MAD1L1: variants seen among roughly 807,000 people sequenced by gnomAD.
MAD1L1 encodes the protein mitotic arrest deficient 1 like 1, also known as mitotic spindle assembly checkpoint protein MAD1.
Under a neutral mutation model 96.9 loss-of-function variants are expected in MAD1L1, and 95 were observed. The observed-to-expected ratio is 0.98, with a 90% CI of 0.83 to 1.16. The LOEUF is 1.16. Among genes scored for constraint, MAD1L1 ranks in the 50% most tolerant of loss-of-function variants. MAD1L1 has a pLI of 0.00. For missense variants in MAD1L1, 1,007 were observed against 954.4 expected (o/e 1.06, Z -0.73); for synonymous variants, 473 against 396.6 (o/e 1.19, Z -2.29).
intron 12 of MAD1L1, among the ~76,000 whole-genome samples, chr7:2,042,963 C>T (rs1783757394): frequency 6.6e-6 from 1 of 152,152 alleles, no homozygotes; most frequent in African/African-American, 2.4e-5. Context: ...GACGCTGCCA[C>T]AGGCCGACCC....
chr7:2,222,721 G>A lies in MAD1L1; in HGVS notation c.325C>T (p.Arg109Cys), dbSNP rs745395945. 2.0e-5 allele frequency: 32 copies of A among 1,607,588 alleles called. No individual in the cohort carries two copies. Among genetic ancestry groups the A allele is most frequent in the Middle Eastern group, 1.6e-4 (1 of 6,078 alleles). Residue 109 changes from arginine (R) to cysteine (C), a missense_variant, in exon 5 of 19, where the codon CGC (arginine) becomes TGC (cysteine). Coordinates refer to ENST00000265854, the MANE Select transcript of MAD1L1 (RefSeq NM_001013836.2). ...EVDRNQELLT[R>C]IRQLQEREAG... ...TCCCGCTCCTGAAGCTGCCGGATGCGCGTCAGGAGCTCCTGGTTGCGGTCG... is the reference window on the plus strand; with the variant it reads ...TCCCGCTCCTGAAGCTGCCGGATGCACGTCAGGAGCTCCTGGTTGCGGTCG...
intron 10 of MAD1L1, among the ~76,000 whole-genome samples, chr7:2,191,954 C>T (rs909453503): frequency 1.3e-5 from 2 of 151,794 alleles, no homozygotes. Flanking sequence ...TTGCTTGAAC[C>T]CGGCTGGCAG....
chr7:2,012,786 G>A (rs1056936880), intron 13 of MAD1L1, among the ~76,000 whole-genome samples: 3 of 152,196 alleles, frequency 2.0e-5, no homozygotes, highest in Non-Finnish European at 2.9e-5. Flanking sequence ...AAGGGGTAGC[G>A]AGTGCATGTG....
chr7:1,827,531 T>G (rs1212681707), intron 18 of MAD1L1, among the ~76,000 whole-genome samples: 133 of 108,638 alleles, frequency 1.2e-3, no homozygotes, highest in Middle Eastern at 6.1e-3. Context: ...CCTGAGCCCG[T>G]CCCGGGTGTG....
At chr7:1,918,028 CT>C (rs1788523866) in intron 17 of MAD1L1, among the ~76,000 whole-genome samples, 1 of 152,170 alleles carries the variant, frequency 6.6e-6, no homozygotes, top group Admixed American at 6.5e-5. Flanking sequence ...TCCCTACAAC[CT>C]GAATCGTGGG....
Position 1,905,267 on chromosome 7 carries a change from C to T in MAD1L1, c.1808-6877G>A, listed in dbSNP as rs1383504231. On this transcript the variant is annotated intron_variant, in intron 17 of 18. Coordinates refer to ENST00000265854, the MANE Select transcript of MAD1L1 (RefSeq NM_001013836.2). ...CGAGGACGCAGTGGCCTACGGAAGA[C>T]GCTCTTGCGGAACTCATGATTGATA... 7.7e-4 allele frequency among the ~76,000 whole-genome samples: 72 copies of T among 93,648 alleles called. 9 individuals carry two copies. Among genetic ancestry groups the T allele is most frequent in the African/African-American group, 1.6e-3 (44 of 27,856 alleles). The allele number at this position is 93,648 out of a possible 152,430, so 61.4% of individuals were successfully genotyped here.
chr7:1,880,249 C>A (rs781167414), intron 18 of MAD1L1, among the ~76,000 whole-genome samples: 11 of 152,296 alleles, frequency 7.2e-5, no homozygotes, highest in Non-Finnish European at 1.3e-4. Context: ...CCTGCCAACA[C>A]CCGGGTTCCT....
intron 10 of MAD1L1, among the ~76,000 whole-genome samples, chr7:2,183,071 A>G (rs1199553025): frequency 6.6e-6 from 1 of 152,040 alleles, no homozygotes; most frequent in African/African-American, 2.4e-5. Context: ...AAAGAGAAAA[A>G]ATTAGCCAGG....
chr7:2,220,579 G>A (rs1268906539), intron 5 of MAD1L1, among the ~76,000 whole-genome samples: 2 of 152,200 alleles, frequency 1.3e-5, no homozygotes. Context: ...CACAGCAAAC[G>A]ACCTGGGTGG....
chr7:1,929,483 A>G (rs1166124980), intron 17 of MAD1L1, among the ~76,000 whole-genome samples: 1 of 152,122 alleles, frequency 6.6e-6, no homozygotes, highest in Non-Finnish European at 1.5e-5. Context: ...GCCCGTGCCG[A>G]TGGCAAGGGT....
intron 18 of MAD1L1, chr7:1,849,094 ATGCACACACACATACACG>A (rs1379791464): frequency 1.3e-5 from 2 of 154,588 alleles, no homozygotes; most frequent in African/African-American, 4.8e-5. Context: ...GCACGGACAC[ATGCACACACACATACACG>A]TGCACACACA....
At chr7:2,094,065 G>A (rs1437361979) in intron 11 of MAD1L1, among the ~76,000 whole-genome samples, 11 of 152,228 alleles carry the variant, frequency 7.2e-5, no homozygotes, top group Non-Finnish European at 1.6e-4. Flanking sequence ...AGAGGCCAGG[G>A]AGGACAGCAC....
chr7:2,046,579 C>T (rs545187634), intron 12 of MAD1L1, among the ~76,000 whole-genome samples: 7 of 152,322 alleles, frequency 4.6e-5, no homozygotes, highest in African/African-American at 4.8e-5. Context: ...CGGAACTCTG[C>T]GTGGCGATCA....
chr7:2,082,791 C>T (rs764399075), intron 11 of MAD1L1, among the ~76,000 whole-genome samples: 1 of 152,244 alleles, frequency 6.6e-6, no homozygotes, highest in Admixed American at 6.5e-5. Flanking sequence ...TGGAGCCCGG[C>T]GCCTGCACTC....
chr7:1,935,003 C>A (rs1207561081), intron 17 of MAD1L1, among the ~76,000 whole-genome samples: 2 of 151,996 alleles, frequency 1.3e-5, no homozygotes, highest in African/African-American at 4.8e-5. Context: ...GGCAGAGACC[C>A]AGACAACAAG....
At chr7:2,221,705 C>T (rs528911715) in intron 5 of MAD1L1, among the ~76,000 whole-genome samples, 10 of 152,332 alleles carry the variant, frequency 6.6e-5, no homozygotes, top group South Asian at 2.1e-4. Flanking sequence ...AATTATCCGA[C>T]GCCATCAGAT....
chr7:1,961,206 C>A (rs1779939221), intron 15 of MAD1L1, among the ~76,000 whole-genome samples: 1 of 152,202 alleles, frequency 6.6e-6, no homozygotes, highest in Admixed American at 6.5e-5. Context: ...AATCAGCAAC[C>A]TCAGTCAAAA....
At chr7:1,870,111 C>T (rs1179295695) in intron 18 of MAD1L1, among the ~76,000 whole-genome samples, 1 of 152,086 alleles carries the variant, frequency 6.6e-6, no homozygotes, top group Non-Finnish European at 1.5e-5. Flanking sequence ...AGATGCGAGC[C>T]GCTGCCCAGA....
At chr7:1,862,728 G>A (rs547977611) in intron 18 of MAD1L1, among the ~76,000 whole-genome samples, 10 of 152,162 alleles carry the variant, frequency 6.6e-5, no homozygotes, top group Non-Finnish European at 1.3e-4. Flanking sequence ...AGCTTCAATA[G>A]GCCCAGTGAA....
Sources: gnomAD v4.1 joint callset for allele counts (sites outside exome capture counted in the v4.1 genomes callset) on GRCh38, gnomAD v4.1.1 for gene constraint, MANE v1.5 for transcripts, NCBI Gene and HGNC (gene_info 2026-07-23, HGNC 2026-07-21) for gene names.